ADGRG2: variants seen among roughly 807,000 people sequenced by gnomAD.
ADGRG2 encodes adhesion G protein-coupled receptor G2, also known as G protein-coupled receptor 64.
A neutral mutation model predicts 74.1 loss-of-function variants in ADGRG2; 26 were observed. The observed-to-expected ratio is 0.35, with a 90% CI of 0.26 to 0.49. The LOEUF (loss-of-function observed/expected upper bound fraction) is 0.49. Among genes scored for constraint, ADGRG2 ranks in the 20% least tolerant of loss-of-function variants. The pLI is 0.99. For synonymous variants in ADGRG2, 296 were observed against 295.2 expected, an observed-to-expected ratio of 1.00 and a Z score of -0.03; for missense variants, 619 against 763.1, an observed-to-expected ratio of 0.81 and a Z score of 2.22.
chrX:19,015,416 A>G (rs1190091650), intron 15 of ADGRG2, among the ~76,000 whole-genome samples: 1 of 112,508 alleles, frequency 8.9e-6, no homozygotes, highest in Non-Finnish European at 1.9e-5. Context: ...CAGAAACATC[A>G]TGAGTCAAAA....
chrX:19,031,391 T>C (rs2060822142), intron 8 of ADGRG2: 1 of 162,963 alleles, frequency 6.1e-6, no homozygotes, highest in East Asian at 1.5e-4. Flanking sequence ...CCCTTAATCA[T>C]AGATCCTCCT....
intron 24 of ADGRG2, among the ~76,000 whole-genome samples, chrX:19,001,164 G>A (rs752198175): frequency 8.9e-6 from 1 of 111,749 alleles, no homozygotes; most frequent in East Asian, 2.8e-4. Flanking sequence ...GGAGGGTTCT[G>A]TCCTGGCTGA....
intron 1 of ADGRG2, among the ~76,000 whole-genome samples, chrX:19,100,044 CA>C (rs1199705691): frequency 9.0e-6 from 1 of 110,999 alleles, no homozygotes; most frequent in Non-Finnish European, 1.9e-5. Context: ...AAAAAAACAC[CA>C]AAAAACACGA....
chrX:19,105,059 C>A (rs1403029200), intron 1 of ADGRG2, among the ~76,000 whole-genome samples: 1 of 110,679 alleles, frequency 9.0e-6, no homozygotes, highest in African/African-American at 3.3e-5. Flanking sequence ...CATAGTGAAA[C>A]CCCGTCTCTA....
intron 1 of ADGRG2, among the ~76,000 whole-genome samples, chrX:19,085,200 A>G (rs1602088036): frequency 8.9e-6 from 1 of 112,286 alleles, no homozygotes; most frequent in African/African-American, 3.2e-5. Flanking sequence ...TGCAACACTT[A>G]AAAGTGAAGT....
chrX:19,061,530 G>C (rs1806319116), intron 3 of ADGRG2, among the ~76,000 whole-genome samples: 1 of 111,595 alleles, frequency 9.0e-6, no homozygotes, highest in Non-Finnish European at 1.9e-5. Context: ...TCATTTTAAA[G>C]CAAGTTTAAA....
intron 15 of ADGRG2, among the ~76,000 whole-genome samples, chrX:19,015,598 A>G (rs1409150395): frequency 8.9e-6 from 1 of 112,376 alleles, no homozygotes; most frequent in African/African-American, 3.2e-5. Flanking sequence ...GGGTGCCTAT[A>G]ATCCCAGCTA....
chrX:19,110,750 A>G (rs943236150), intron 1 of ADGRG2, among the ~76,000 whole-genome samples: 1 of 110,906 alleles, frequency 9.0e-6, no homozygotes, highest in African/African-American at 3.3e-5. Flanking sequence ...AGAGGACAGA[A>G]AGAACATTCC....
Position 19,107,236 on chromosome X carries a change from C to A in ADGRG2, c.-47+15206G>T, listed in dbSNP as rs149267736. Among the ~76,000 whole-genome samples the A allele has an allele frequency of 2.1e-3, 235 of 112,380 alleles. 1 individual carries two copies. Among genetic ancestry groups the A allele is most frequent in the African/African-American group, 6.8e-3 (212 of 30,979 alleles). On this transcript the variant is annotated intron_variant, in intron 1 of 28. Transcript: ENST00000379869. ...CGCATATGCATTTTAACAAGATCCCCAGGCAATCGTTTTGCATGTTGGCAT... is the reference window on the plus strand; with the variant it reads ...CGCATATGCATTTTAACAAGATCCCAAGGCAATCGTTTTGCATGTTGGCAT...
chrX:19,047,733 C>G (rs1044765619), intron 3 of ADGRG2, among the ~76,000 whole-genome samples: 10 of 110,844 alleles, frequency 9.0e-5, no homozygotes, highest in African/African-American at 3.3e-4. Flanking sequence ...TATGGGAACC[C>G]CAAACAGAAC....
intron 3 of ADGRG2, among the ~76,000 whole-genome samples, chrX:19,042,612 A>C (rs1249023138): frequency 9.0e-6 from 1 of 111,656 alleles, no homozygotes; most frequent in East Asian, 2.8e-4. Flanking sequence ...CAGAGAAGGA[A>C]GTTTTCTGGG....
chrX:18,996,395 G>T (rs1306158137), intron 26 of ADGRG2, among the ~76,000 whole-genome samples: 1 of 110,963 alleles, frequency 9.0e-6, no homozygotes, highest in Non-Finnish European at 1.9e-5. Context: ...TCATAACTTT[G>T]CATTTCCACA....
chrX:18,997,704 C>T lies in ADGRG2; in HGVS notation c.2614+1292G>A, dbSNP rs191210237. Among the ~76,000 whole-genome samples, 86 of 112,059 alleles carry T rather than the reference C, an allele frequency of 7.7e-4. 1 individual carries two copies. In the East Asian group the frequency reaches 0.022, roughly 29 times the overall value. On this transcript the variant is annotated intron_variant, in intron 26 of 28. Transcript: ENST00000379869. ...GGCTTCCTCCAAATTAAAATAAGAA[C>T]CAACAACCAAATTCGGCATTTGAAT...
chrX:19,083,311 C>T (rs2061885741), intron 1 of ADGRG2, among the ~76,000 whole-genome samples: 1 of 109,991 alleles, frequency 9.1e-6, no homozygotes, highest in South Asian at 4.0e-4. Context: ...TGAGCCACCA[C>T]ACCCAGCCTT....
chrX:19,027,333 C>T, intron 10 of ADGRG2, 59 bp from the exon 11 acceptor site: 1 of 726,553 alleles, frequency 1.4e-6, no homozygotes, highest in Admixed American at 2.3e-5. Context: ...TTTTCACTCT[C>T]TAACAGTAAG....
intron 16 of ADGRG2, among the ~76,000 whole-genome samples, chrX:19,011,520 A>C (rs1440242053): frequency 8.9e-6 from 1 of 111,915 alleles, no homozygotes; most frequent in Non-Finnish European, 1.9e-5. Context: ...TTTTATGTGG[A>C]TTGCTGGAAG....
rs1269886394 is a variant in ADGRG2, at chrX:18,994,881, T to C, written c.2869+15A>G. On this transcript the variant is annotated intron_variant, in intron 28 of 28. Coordinates refer to ENST00000379869, the MANE Select transcript of ADGRG2 (RefSeq NM_001079858.3). ...AAACACTAGCTTGAGAAATACTATA[T>C]TGAGACATACATACCATTCCCGCTT... The C allele has an allele frequency of 3.5e-6, 4 of 1,156,793 alleles. No homozygotes were observed. In the East Asian group the frequency reaches 1.2e-4, roughly 35 times the overall value.
At position 18,989,309 on chromosome X, in the gene ADGRG2, A is replaced by T. The variant is rs1218120491; in HGVS notation, c.*1555T>A. On this transcript the variant is annotated 3_prime_UTR_variant, in exon 29 of 29. Transcript: ENST00000379869. Reference sequence around the variant, plus strand: ...TTTCTTTGTGAAAATTACCAAACTTAAAGATCTTAACTGCAAATTTATTTC... The same window carrying T: ...TTTCTTTGTGAAAATTACCAAACTTTAAGATCTTAACTGCAAATTTATTTC... 3.6e-5 allele frequency: 4 copies of T among 112,516 alleles called. No homozygotes were observed. In the East Asian group the frequency reaches 1.1e-3, roughly 31 times the overall value. The allele number at this position is 112,516 out of a possible 1,213,427, so 9.3% of individuals were successfully genotyped here.
intron 16 of ADGRG2, among the ~76,000 whole-genome samples, chrX:19,012,717 C>T (rs1423820176): frequency 9.1e-6 from 1 of 109,446 alleles, no homozygotes; most frequent in Non-Finnish European, 1.9e-5. Context: ...AGTCATTTGG[C>T]AGAAGCTCCT....
Sources: allele counts gnomAD v4.1 joint callset (sites outside exome capture counted in the v4.1 genomes callset), GRCh38; gene constraint gnomAD v4.1.1; transcripts MANE v1.5; gene names NCBI Gene and HGNC (gene_info 2026-07-23, HGNC 2026-07-21).